The following NSG1 variants were observed in gnomAD, a reference collection of about 807,000 sequenced individuals.
NSG1 encodes neuronal vesicle trafficking-associated protein 1.
In NSG1, 9 loss-of-function variants were observed where a neutral mutation model predicts 19.3. The observed-to-expected ratio is 0.47, with a 90% confidence interval of 0.28 to 0.81. The LOEUF (loss-of-function observed/expected upper bound fraction) is 0.81, where lower values mean the gene tolerates loss of function less well. Ranked by LOEUF, NSG1 falls within the 40% of genes least tolerant of loss-of-function variation. NSG1 has a pLI of 0.11. For synonymous variants in NSG1, 104 were observed against 107.0 expected (o/e 0.97, Z 0.17); for missense variants, 236 against 242.4 (o/e 0.97, Z 0.18).
At chr4:4,416,343 C>T (rs1724540300) in intron 4 of NSG1, among the ~76,000 whole-genome samples, 1 of 152,184 alleles carries the variant, frequency 6.6e-6, no homozygotes, top group South Asian at 2.1e-4. Flanking sequence ...GAAAATAGCT[C>T]TTTGTTCACA....
upstream of NSG1, chr4:4,386,621 T>A (rs1235634381): frequency 6.5e-6 from 1 of 152,828 alleles, no homozygotes; most frequent in Non-Finnish European, 1.5e-5. Flanking sequence ...CCCCAAACCC[T>A]TGAACGTCCT....
chr4:4,417,445 C>T lies in NSG1; in HGVS notation c.*10C>T. The T allele has an allele frequency of 6.2e-7, 1 of 1,613,378 alleles. No individual in the cohort carries two copies. The highest frequency in any genetic ancestry group is 8.5e-7 in the Non-Finnish European group (1 of 1,179,308). The stretch of plus-strand genomic sequence containing the variant: ...TGAGAAGTCAGCTTAGCGGGATGGG[C>T]AAGTTCCTTACAATGTGTCACTTGC... On this transcript the variant is annotated 3_prime_UTR_variant, in exon 5 of 5. Coordinates refer to ENST00000621129, the MANE Select transcript of NSG1 (RefSeq NM_014392.5).
At chr4:4,390,081 G>A (rs989091484) in intron 2 of NSG1, among the ~76,000 whole-genome samples, 1 of 152,180 alleles carries the variant, frequency 6.6e-6, no homozygotes, top group African/African-American at 2.4e-5. Context: ...GTTTCCATGG[G>A]TTTCCTCATC....
At chr4:4,387,544 T>TTCC in intron 1 of NSG1, 60 bp from the exon 2 acceptor site, 6 of 520,914 alleles carry the variant, frequency 1.2e-5, no homozygotes, top group East Asian at 4.3e-5. Context: ...GGTGCCCACT[T>TTCC]CCCCCCCGCC....
In NSG1 at chr4:4,389,180, T is replaced by C. The variant is rs1280253276; in HGVS notation, c.129+1422T>C. ...CCTCACTTGGCCTGAGCCTCCTCTC[T>C]TGTCCTCAGTCTGTTCCATTCCAGA... On this transcript the variant is annotated intron_variant, in intron 2 of 4. Transcript: ENST00000621129. Among the ~76,000 whole-genome samples the C allele has an allele frequency of 2.0e-5, 3 of 152,274 alleles. No individual in the cohort carries two copies. In the East Asian group the frequency reaches 5.8e-4, roughly 29 times the overall value.
Position 4,391,459 on chromosome 4 carries a change from C to G in NSG1, c.130-16C>G. 1 of 1,581,580 alleles carries G rather than the reference C, an allele frequency of 6.3e-7. No homozygotes were observed. Among genetic ancestry groups the G allele is most frequent in the Non-Finnish European group, 8.6e-7 (1 of 1,157,316 alleles). On this transcript the variant is annotated splice_polypyrimidine_tract_variant and intron_variant, in intron 2 of 4. Transcript: ENST00000621129. ...CTGAATGCATCTGACTTTTGTTTCT[C>G]TGTTTCCTGGATAAGGTGGTCGTGA...
chr4:4,411,649 C>T (rs1227886765), intron 4 of NSG1, among the ~76,000 whole-genome samples: 1 of 152,150 alleles, frequency 6.6e-6, no homozygotes, highest in Non-Finnish European at 1.5e-5. Flanking sequence ...GAGGCTGAGG[C>T]AGGAGAATCG....
chr4:4,413,720 G>A (rs761753352), intron 4 of NSG1, among the ~76,000 whole-genome samples: 14 of 151,876 alleles, frequency 9.2e-5, no homozygotes, highest in Non-Finnish European at 1.5e-4. Flanking sequence ...CCTGGAGGAG[G>A]GGGAAGTGAT....
chr4:4,396,106 A>G (rs1723235411), intron 3 of NSG1, among the ~76,000 whole-genome samples: 1 of 152,160 alleles, frequency 6.6e-6, no homozygotes, highest in Non-Finnish European at 1.5e-5. Context: ...GCAGTCGCTT[A>G]ATTAACTGGA....
In NSG1 at chr4:4,388,252, C is replaced by T. The variant is rs114321686; in HGVS notation, c.129+494C>T. The stretch of plus-strand genomic sequence containing the variant: ...AATTGTTCTCGCCCTTTCTGCCTGC[C>T]CCTGCCAGGCTGGCGCTAGGTGCAG... On this transcript the variant is annotated intron_variant, in intron 2 of 4. Transcript: ENST00000621129. Among the ~76,000 whole-genome samples, 992 of 152,338 alleles carry T rather than the reference C, an allele frequency of 6.5e-3. 12 individuals carry two copies. Among genetic ancestry groups the T allele is most frequent in the African/African-American group, 0.022 (921 of 41,586 alleles).
At chr4:4,408,553 T>G (rs4566594) in intron 3 of NSG1, among the ~76,000 whole-genome samples, 1 of 152,050 alleles carries the variant, frequency 6.6e-6, no homozygotes, top group Non-Finnish European at 1.5e-5. Context: ...CTCTGCCTCC[T>G]GGGTTCAAGC....
intron 3 of NSG1, among the ~76,000 whole-genome samples, chr4:4,393,862 C>T (rs1189303388): frequency 2.0e-5 from 3 of 152,144 alleles, no homozygotes; most frequent in African/African-American, 7.2e-5. Flanking sequence ...CCTTCCATCT[C>T]CTCCCAGGGC....
chr4:4,397,258 G>A (rs777738853), intron 3 of NSG1, among the ~76,000 whole-genome samples: 2 of 151,904 alleles, frequency 1.3e-5, no homozygotes, highest in Admixed American at 6.6e-5. Flanking sequence ...ACCCAGCGCC[G>A]TCGACCTGGC....
rs906786558 is a variant in NSG1 at position 4,408,857 on chromosome 4, GC to G, written c.247-712del. Among the ~76,000 whole-genome samples the G allele has an allele frequency of 1.8e-4, 27 of 152,272 alleles. 1 individual carries two copies. Among genetic ancestry groups the G allele is most frequent in the Admixed American group, 1.2e-3 (19 of 15,302 alleles). ...GGTCCAGTGTCATCTAGTGACCCATGCCCCGTGCCCTCCAGCCGGGGCAGGC... is the reference window on the plus strand; with the variant it reads ...GGTCCAGTGTCATCTAGTGACCCATGCCCGTGCCCTCCAGCCGGGGCAGGC... On this transcript the variant is annotated intron_variant, in intron 3 of 4. Transcript: ENST00000621129.
At chr4:4,395,693 C>T (rs957081004) in intron 3 of NSG1, among the ~76,000 whole-genome samples, 11 of 152,316 alleles carry the variant, frequency 7.2e-5, no homozygotes, top group African/African-American at 2.6e-4. Context: ...GCATCTTCCT[C>T]GTCCCACTAG....
intron 3 of NSG1, among the ~76,000 whole-genome samples, chr4:4,407,121 C>T (rs550731352): frequency 6.6e-6 from 1 of 152,312 alleles, no homozygotes; most frequent in Admixed American, 6.5e-5. Context: ...GGCACAGGCT[C>T]CATATGCACT....
At chr4:4,413,541 C>T (rs1311356290) in intron 4 of NSG1, among the ~76,000 whole-genome samples, 1 of 150,900 alleles carries the variant, frequency 6.6e-6, no homozygotes, top group Admixed American at 6.6e-5. Flanking sequence ...GGCCCTGACC[C>T]AGTGGGAAGG....
intron 3 of NSG1, among the ~76,000 whole-genome samples, chr4:4,407,470 G>A (rs781107611): frequency 6.6e-5 from 10 of 152,256 alleles, no homozygotes; most frequent in Non-Finnish European, 1.2e-4. Context: ...CAGGGTCTTG[G>A]TGCTGCCCTT....
intron 4 of NSG1, among the ~76,000 whole-genome samples, chr4:4,414,568 G>A (rs1173843848): frequency 6.6e-6 from 1 of 152,212 alleles, no homozygotes; most frequent in African/African-American, 2.4e-5. Flanking sequence ...ATTTGTGCGT[G>A]TGTTTGTCAC....
Sources: allele counts gnomAD v4.1 joint callset (sites outside exome capture counted in the v4.1 genomes callset), GRCh38; gene constraint gnomAD v4.1.1; transcripts MANE v1.5; gene names NCBI Gene and HGNC (gene_info 2026-07-23, HGNC 2026-07-21).